The following ATRNL1 variants were observed in gnomAD, a reference collection of about 807,000 sequenced individuals.
ATRNL1 encodes the protein attractin-like protein 1.
Under a neutral mutation model 182.7 loss-of-function variants are expected in ATRNL1, and 95 were observed. The observed-to-expected ratio is 0.52, with a 90% confidence interval of 0.44 to 0.62. The LOEUF is 0.62. ATRNL1 is among the 20% of genes least tolerant of loss of function. ATRNL1 has a pLI of 0.00. For missense variants in ATRNL1, 1,471 were observed against 1,679.5 expected (o/e 0.88, Z 2.17); for synonymous variants, 576 against 568.3 (o/e 1.01, Z -0.19).
chr10:115,283,415 A>G (rs1241570490), intron 14 of ATRNL1, among the ~76,000 whole-genome samples: 1 of 152,286 alleles, frequency 6.6e-6, no homozygotes, highest in Non-Finnish European at 1.5e-5. Flanking sequence ...CTCTGTCTCA[A>G]AAACAAACGA....
chr10:115,093,678 C>T lies in ATRNL1; in HGVS notation c.-73C>T. On this transcript the variant is annotated 5_prime_UTR_variant, in exon 1 of 29. Transcript: ENST00000355044. This position sits in a 1 kb window ranked among gnomAD's most constrained non-coding sequence, Gnocchi z 6.1. ...GCGGCGGCGGAGAGGTTTTCTGCGG[C>T]CGGAATTCCCTTCAACAGCATCCCT... The T allele has an allele frequency of 7.0e-7, 1 of 1,426,110 alleles. No individual in the cohort carries two copies. The highest frequency in any genetic ancestry group is 9.3e-7 in the Non-Finnish European group (1 of 1,070,950). The allele number at this position is 1,426,110 out of a possible 1,614,324, so 88.3% of individuals were successfully genotyped here.
intron 3 of ATRNL1, among the ~76,000 whole-genome samples, chr10:115,125,563 A>G (rs551482016): frequency 1.3e-5 from 2 of 151,816 alleles, no homozygotes; most frequent in South Asian, 4.2e-4. Context: ...AAAATCATAT[A>G]TAGTAATAAT....
At chr10:115,468,121 A>G (rs1019346842) in intron 23 of ATRNL1, among the ~76,000 whole-genome samples, 1 of 150,726 alleles carries the variant, frequency 6.6e-6, no homozygotes, top group Non-Finnish European at 1.5e-5. Context: ...TCAGGCAAAT[A>G]GGCATTTTGT....
At chr10:115,478,652 C>G (rs962984498) in intron 24 of ATRNL1, among the ~76,000 whole-genome samples, 1 of 151,622 alleles carries the variant, frequency 6.6e-6, no homozygotes, top group Non-Finnish European at 1.5e-5. Flanking sequence ...ATTGTATTCA[C>G]AGATTCCACC....
At chr10:115,693,869 C>T (rs1378786082) in intron 26 of ATRNL1, among the ~76,000 whole-genome samples, 2 of 152,120 alleles carry the variant, frequency 1.3e-5, no homozygotes, top group African/African-American at 4.8e-5. Flanking sequence ...TATATACAGT[C>T]CATCATTGAC....
intron 1 of ATRNL1, among the ~76,000 whole-genome samples, chr10:115,103,250 G>A (rs1182760442): frequency 6.6e-6 from 1 of 151,894 alleles, no homozygotes; most frequent in African/African-American, 2.4e-5. Flanking sequence ...TGTTGGCTAG[G>A]CTGGTCTCGA....
chr10:115,621,856 A>C (rs1285821786), intron 26 of ATRNL1, among the ~76,000 whole-genome samples: 2 of 152,212 alleles, frequency 1.3e-5, no homozygotes, highest in Non-Finnish European at 1.5e-5. Flanking sequence ...AAAAATGCAA[A>C]AAGTCTTTTG....
At chr10:115,163,478 C>T (rs1272049666) in intron 6 of ATRNL1, among the ~76,000 whole-genome samples, 2 of 152,012 alleles carry the variant, frequency 1.3e-5, no homozygotes, top group African/African-American at 2.4e-5. Flanking sequence ...ATCCTTCCAC[C>T]TCAGCCTCCT....
At chr10:115,561,919 A>G (rs1208169576) in intron 26 of ATRNL1, among the ~76,000 whole-genome samples, 1 of 152,144 alleles carries the variant, frequency 6.6e-6, no homozygotes, top group Non-Finnish European at 1.5e-5. Context: ...TTCCTCACAC[A>G]TTGTTGTTGA....
intron 27 of ATRNL1, among the ~76,000 whole-genome samples, chr10:115,738,611 C>G (rs1483486555): frequency 1.3e-5 from 2 of 151,852 alleles, no homozygotes; most frequent in East Asian, 1.9e-4. Context: ...ATTTAGCAGG[C>G]AATGTTTTGG....
intron 26 of ATRNL1, among the ~76,000 whole-genome samples, chr10:115,672,557 A>G (rs189892252): frequency 3.9e-5 from 6 of 152,276 alleles, no homozygotes; most frequent in African/African-American, 1.4e-4. Context: ...GCCCAAGGCA[A>G]TAGTATTAAG....
intron 26 of ATRNL1, among the ~76,000 whole-genome samples, chr10:115,625,876 C>G (rs2133817141): frequency 6.6e-6 from 1 of 152,222 alleles, no homozygotes; most frequent in South Asian, 2.1e-4. Context: ...ATCTAAGCCC[C>G]TCAAGCAGCC....
chr10:115,549,854 T>C (rs1554995062), intron 26 of ATRNL1, among the ~76,000 whole-genome samples: 2 of 151,984 alleles, frequency 1.3e-5, no homozygotes, highest in Admixed American at 6.6e-5. Context: ...TATAAAGACA[T>C]ACTTTATTTT....
At chr10:115,648,052 A>T (rs1859745139) in intron 26 of ATRNL1, among the ~76,000 whole-genome samples, 1 of 152,126 alleles carries the variant, frequency 6.6e-6, no homozygotes, top group Admixed American at 6.6e-5. Context: ...TTAAATAGGG[A>T]ATTTTTTCCC....
At chr10:115,378,325 A>C (rs2134222004) in intron 19 of ATRNL1, among the ~76,000 whole-genome samples, 1 of 152,322 alleles carries the variant, frequency 6.6e-6, no homozygotes, top group South Asian at 2.1e-4. Context: ...CTGGGAAGGC[A>C]GAACTGATTT....
At chr10:115,337,028 T>A (rs567297202) in intron 19 of ATRNL1, among the ~76,000 whole-genome samples, 2 of 151,240 alleles carry the variant, frequency 1.3e-5, no homozygotes, top group East Asian at 3.9e-4. Flanking sequence ...TAATTTTTTT[T>A]TTTTTTGTAT....
At chr10:115,277,361 T>C (rs1164593475) in intron 13 of ATRNL1, among the ~76,000 whole-genome samples, 2 of 152,100 alleles carry the variant, frequency 1.3e-5, no homozygotes, top group Non-Finnish European at 2.9e-5. Flanking sequence ...TTAACACCTT[T>C]GGAATGGAGG....
intron 26 of ATRNL1, among the ~76,000 whole-genome samples, chr10:115,581,468 G>C (rs537456196): frequency 6.0e-4 from 92 of 152,102 alleles, no homozygotes; most frequent in African/African-American, 2.2e-3. Flanking sequence ...TACACACTCT[G>C]ATCTAGATGC....
At chr10:115,554,414 G>C (rs1411419055) in intron 26 of ATRNL1, among the ~76,000 whole-genome samples, 2 of 151,478 alleles carry the variant, frequency 1.3e-5, no homozygotes, top group East Asian at 1.9e-4. Context: ...GTTAAGATTT[G>C]AAAAATAACT....
Sources: allele counts gnomAD v4.1 joint callset (sites outside exome capture counted in the v4.1 genomes callset), GRCh38; gene constraint gnomAD v4.1.1; non-coding constraint Gnocchi (gnomAD v3.1); transcripts MANE v1.5; gene names NCBI Gene and HGNC (gene_info 2026-07-23, HGNC 2026-07-21).